Variants in ACOXL observed in about 807,000 individuals in gnomAD.
ACOXL encodes the protein acyl-coenzyme A oxidase-like protein.
A neutral mutation model predicts 71.9 loss-of-function variants in ACOXL; 70 were observed. That is an observed-to-expected ratio of 0.97 (90% CI 0.80 to 1.19). The LOEUF is 1.19. Ranked by LOEUF, ACOXL falls within the 50% of genes most tolerant of loss-of-function variation. ACOXL has a pLI of 0.00. For missense variants in ACOXL, 703 were observed against 736.3 expected, an observed-to-expected ratio of 0.95 and a Z score of 0.52; for synonymous variants, 253 against 281.6, an observed-to-expected ratio of 0.90 and a Z score of 1.02.
chr2:110,979,276 G>T (rs2062599508), intron 12 of ACOXL, among the ~76,000 whole-genome samples: 1 of 152,154 alleles, frequency 6.6e-6, no homozygotes, highest in South Asian at 2.1e-4. Context: ...CACAGCTGGG[G>T]CCTGTCTGCC....
At chr2:111,114,457 ACT>A (rs1226689069) in intron 17 of ACOXL, among the ~76,000 whole-genome samples, 1 of 152,072 alleles carries the variant, frequency 6.6e-6, no homozygotes, top group African/African-American at 2.4e-5. Flanking sequence ...GGAGAAAAAG[ACT>A]CTACCAAGGT....
chr2:110,957,811 C>T (rs949937265), intron 12 of ACOXL, among the ~76,000 whole-genome samples: 4 of 152,036 alleles, frequency 2.6e-5, no homozygotes, highest in African/African-American at 9.7e-5. Flanking sequence ...AATCCTAGCA[C>T]TTTGGGAGGC....
At chr2:111,101,172 G>A (rs189141078) in intron 17 of ACOXL, 5 of 152,656 alleles carry the variant, frequency 3.3e-5, no homozygotes, top group East Asian at 1.9e-4. Flanking sequence ...GATTACACTC[G>A]TTTACTATTT....
At chr2:110,843,204 C>T (rs906300081) in intron 10 of ACOXL, among the ~76,000 whole-genome samples, 5 of 152,176 alleles carry the variant, frequency 3.3e-5, no homozygotes, top group Non-Finnish European at 7.3e-5. Flanking sequence ...CTTGCCCTTC[C>T]CCATGATGTC....
intron 17 of ACOXL, among the ~76,000 whole-genome samples, chr2:111,108,371 C>CTTTTTTTTTTTTTTTTT (rs1225889982): frequency 5.6e-5 from 4 of 71,056 alleles, no homozygotes; most frequent in Non-Finnish European, 9.9e-5. Context: ...GTGCATGAAT[C>CTTTTTTTTTTTTTTTTT]TTTTTTTTTT....
intron 14 of ACOXL, among the ~76,000 whole-genome samples, chr2:111,014,692 A>G (rs1245390075): frequency 6.6e-6 from 1 of 152,250 alleles, no homozygotes; most frequent in East Asian, 1.9e-4. Context: ...CATTGAAGAA[A>G]TGTAGAGGGA....
chr2:110,811,455 A>T (rs1687306171), intron 9 of ACOXL, among the ~76,000 whole-genome samples: 1 of 152,118 alleles, frequency 6.6e-6, no homozygotes, highest in African/African-American at 2.4e-5. Context: ...GGGCTCTTTA[A>T]AGTAATGTCC....
At chr2:111,020,466 G>A (rs1272193151) in intron 14 of ACOXL, among the ~76,000 whole-genome samples, 2 of 152,216 alleles carry the variant, frequency 1.3e-5, no homozygotes, top group Non-Finnish European at 2.9e-5. Flanking sequence ...GGAGGAGGTA[G>A]TTAGGTGGTG....
At chr2:110,804,359 T>C (rs1686370212) in intron 8 of ACOXL, among the ~76,000 whole-genome samples, 1 of 152,196 alleles carries the variant, frequency 6.6e-6, no homozygotes, top group Non-Finnish European at 1.5e-5. Context: ...CTGTTTGTTA[T>C]ACATTGCTGG....
intron 11 of ACOXL, among the ~76,000 whole-genome samples, chr2:110,921,625 C>T (rs541932149): frequency 2.6e-5 from 4 of 152,018 alleles, no homozygotes; most frequent in African/African-American, 4.8e-5. Context: ...AATCTCCTGA[C>T]CTCGTGATCT....
intron 5 of ACOXL, 144 bp downstream of exon 5, chr2:110,794,318 G>GT (rs767416244): frequency 2.3e-5 from 17 of 750,512 alleles, no homozygotes; most frequent in Non-Finnish European, 3.7e-5. Flanking sequence ...ATGCCTAAGT[G>GT]TTTTAATAGA....
chr2:110,921,170 T>G (rs1015570322), intron 11 of ACOXL, among the ~76,000 whole-genome samples: 11 of 152,182 alleles, frequency 7.2e-5, no homozygotes, highest in African/African-American at 2.7e-4. Flanking sequence ...CCTGATGTTT[T>G]GTGTCCTCTT....
intron 10 of ACOXL, among the ~76,000 whole-genome samples, chr2:110,849,162 C>T (rs955268848): frequency 2.6e-5 from 4 of 152,198 alleles, no homozygotes; most frequent in Admixed American, 6.5e-5. Flanking sequence ...ATTTCTTCTC[C>T]TTCCTGTCTG....
At chr2:111,106,981 C>T (rs181596911) in intron 17 of ACOXL, among the ~76,000 whole-genome samples, 1 of 152,318 alleles carries the variant, frequency 6.6e-6, no homozygotes, top group Non-Finnish European at 1.5e-5. Flanking sequence ...GACAGCACCC[C>T]ATCTGGTAAA....
chr2:110,936,599 G>A (rs1462955226), intron 12 of ACOXL, among the ~76,000 whole-genome samples: 1 of 152,152 alleles, frequency 6.6e-6, no homozygotes, highest in Non-Finnish European at 1.5e-5. Flanking sequence ...TAAATCAGGA[G>A]TTCCCATGAC....
At chr2:111,000,780 A>G (rs1372383651) in intron 14 of ACOXL, among the ~76,000 whole-genome samples, 1 of 152,156 alleles carries the variant, frequency 6.6e-6, no homozygotes, top group Non-Finnish European at 1.5e-5. Context: ...TCAGGGCACT[A>G]GTCATATTGG....
At chr2:111,009,223 G>A (rs1277609999) in intron 14 of ACOXL, among the ~76,000 whole-genome samples, 1 of 152,054 alleles carries the variant, frequency 6.6e-6, no homozygotes, top group Middle Eastern at 3.2e-3. Flanking sequence ...GTCAGAAAAT[G>A]GAGTTTGAGG....
chr2:110,892,843 G>A (rs187134937), intron 10 of ACOXL, among the ~76,000 whole-genome samples: 1 of 152,310 alleles, frequency 6.6e-6, no homozygotes, highest in African/African-American at 2.4e-5. Context: ...CAAGGGAATT[G>A]TCTGGGAAGA....
chr2:110,774,130 G>T (rs909519999), intron 2 of ACOXL, among the ~76,000 whole-genome samples: 1 of 152,156 alleles, frequency 6.6e-6, no homozygotes, highest in Non-Finnish European at 1.5e-5. Context: ...GCTACCTTTT[G>T]CTAAGTCCCT....
Sources: gnomAD v4.1 joint callset for allele counts (sites outside exome capture counted in the v4.1 genomes callset) on GRCh38, gnomAD v4.1.1 for gene constraint, MANE v1.5 for transcripts, NCBI Gene and HGNC (gene_info 2026-07-23, HGNC 2026-07-21) for gene names.